The following LARGE1 variants were observed in gnomAD, a reference collection of about 807,000 sequenced individuals.
LARGE1 encodes the protein LARGE xylosyl- and glucuronyltransferase 1.
A neutral mutation model predicts 87.6 loss-of-function variants in LARGE1; 43 were observed. The observed-to-expected ratio is 0.49, with a 90% CI of 0.38 to 0.63. The LOEUF (loss-of-function observed/expected upper bound fraction) is 0.63, where lower values mean the gene tolerates loss of function less well. Among genes scored for constraint, LARGE1 ranks in the 30% least tolerant of loss-of-function variants. The pLI, the probability that LARGE1 is intolerant of heterozygous loss-of-function variation, is 0.00. For synonymous variants in LARGE1, 434 were observed against 394.6 expected, an observed-to-expected ratio of 1.10 and a Z score of -1.18; for missense variants, 802 against 1,000.2, an observed-to-expected ratio of 0.80 and a Z score of 2.67.
intron 5 of LARGE1, among the ~76,000 whole-genome samples, chr22:33,575,951 T>C (rs2078340236): frequency 6.6e-6 from 1 of 152,214 alleles, no homozygotes; most frequent in Non-Finnish European, 1.5e-5. Context: ...TTCAGTACTT[T>C]ATGTTATGAA....
chr22:33,830,415 T>C lies in LARGE1; in HGVS notation c.-82-68857A>G, dbSNP rs1451761069. Among the ~76,000 whole-genome samples, 7 of 152,268 alleles carry C rather than the reference T, an allele frequency of 4.6e-5. No homozygotes were observed. The East Asian group carries it at 1.4e-3, about 29-fold the overall frequency. Reference sequence around the variant, plus strand: ...AGGTGAAGGAATTGTCAGGGACACATTTCCTCCACGAGAGGCAGGAGGAAA... The same window carrying C: ...AGGTGAAGGAATTGTCAGGGACACACTTCCTCCACGAGAGGCAGGAGGAAA... On this transcript the variant is annotated intron_variant, in intron 1 of 14. Coordinates refer to ENST00000397394, the MANE Select transcript of LARGE1 (RefSeq NM_133642.5).
At chr22:33,130,252 T>C in the LARGE1 span, among the ~76,000 whole-genome samples, 1 of 138,678 alleles carries the variant, frequency 7.2e-6, no homozygotes, top group Non-Finnish European at 1.5e-5. Context: ...AGGCAGAGCT[T>C]GCAGTGAGCC....
intron 7 of LARGE1, among the ~76,000 whole-genome samples, chr22:33,412,184 T>C (rs1279178790): frequency 6.6e-6 from 1 of 152,136 alleles, no homozygotes; most frequent in African/African-American, 2.4e-5. Context: ...CTCGAGAGGC[T>C]GAGGCAAGAG....
the LARGE1 span, among the ~76,000 whole-genome samples, chr22:33,110,213 ACC>A: frequency 6.6e-6 from 1 of 152,198 alleles, no homozygotes; most frequent in Admixed American, 6.5e-5. Context: ...TGCAATGTCT[ACC>A]CCACACCATC....
At chr22:33,521,778 T>C (rs1046671972) in intron 6 of LARGE1, among the ~76,000 whole-genome samples, 1 of 152,212 alleles carries the variant, frequency 6.6e-6, no homozygotes, top group African/African-American at 2.4e-5. Context: ...GGTGTAGCTC[T>C]GTGTTAGTCC....
chr22:33,264,607 C>T (rs764728509), intron 11 of LARGE1, among the ~76,000 whole-genome samples: 61 of 152,118 alleles, frequency 4.0e-4, no homozygotes, highest in Non-Finnish European at 6.3e-4. Context: ...TGCAGTGAGC[C>T]GAGATTGCAC....
chr22:33,812,598 A>G (rs973156546), intron 1 of LARGE1, among the ~76,000 whole-genome samples: 2 of 152,230 alleles, frequency 1.3e-5, no homozygotes, highest in African/African-American at 4.8e-5. Flanking sequence ...GGTTGAAGGC[A>G]CAGATGGCGC....
At chr22:33,830,857 C>A (rs1390610891) in intron 1 of LARGE1, among the ~76,000 whole-genome samples, 1 of 152,286 alleles carries the variant, frequency 6.6e-6, no homozygotes, top group African/African-American at 2.4e-5. Flanking sequence ...TGTGCCCTCA[C>A]GTAGAAGAAG....
At chr22:33,154,155 C>T in the LARGE1 span, among the ~76,000 whole-genome samples, 1 of 148,884 alleles carries the variant, frequency 6.7e-6, no homozygotes, top group Non-Finnish European at 1.5e-5. Context: ...AGACTTTGGA[C>T]TTCTTGTTAT....
At chr22:33,395,599 C>A (rs2065712382) in intron 7 of LARGE1, among the ~76,000 whole-genome samples, 1 of 152,284 alleles carries the variant, frequency 6.6e-6, no homozygotes. Context: ...GCCCTATTTT[C>A]ATTCTTTAGG....
At chr22:33,187,199 T>G (rs900528239) in intron 11 of LARGE1, among the ~76,000 whole-genome samples, 4 of 152,236 alleles carry the variant, frequency 2.6e-5, no homozygotes, top group Non-Finnish European at 5.9e-5. Context: ...TCCATGTTCA[T>G]TGCAGCATCA....
intron 6 of LARGE1, among the ~76,000 whole-genome samples, chr22:33,440,656 G>A (rs966713150): frequency 2.6e-5 from 4 of 152,128 alleles, no homozygotes; most frequent in South Asian, 2.1e-4. Flanking sequence ...TCATATTACC[G>A]TTTACTAAAC....
the LARGE1 span, among the ~76,000 whole-genome samples, chr22:33,120,407 TTTCC>T: frequency 0.069 from 6,840 of 99,156 alleles, 210 homozygotes; most frequent in East Asian, 0.13. Context: ...TCTTTCTTTC[TTTCC>T]TTCTTTCTTT....
At chr22:33,831,779 C>T (rs1010685394) in intron 1 of LARGE1, among the ~76,000 whole-genome samples, 5 of 143,712 alleles carry the variant, frequency 3.5e-5, no homozygotes, top group Non-Finnish European at 7.8e-5. Flanking sequence ...CACACACACA[C>T]ACACATACAC....
intron 6 of LARGE1, among the ~76,000 whole-genome samples, chr22:33,562,562 C>T (rs2084255808): frequency 6.6e-6 from 1 of 152,198 alleles, no homozygotes; most frequent in Admixed American, 6.5e-5. Context: ...TGACCTTGGC[C>T]CATATACCCT....
chr22:33,702,119 T>G (rs2082420270), intron 2 of LARGE1, among the ~76,000 whole-genome samples: 1 of 152,198 alleles, frequency 6.6e-6, no homozygotes, highest in South Asian at 2.1e-4. Flanking sequence ...GGTAAAGCAC[T>G]AGGAACAATG....
At chr22:33,669,616 T>C (rs995920902) in intron 2 of LARGE1, among the ~76,000 whole-genome samples, 1 of 152,224 alleles carries the variant, frequency 6.6e-6, no homozygotes, top group African/African-American at 2.4e-5. Context: ...AGCTGAGGCC[T>C]GGGGAGACCT....
chr22:33,889,899 T>C (rs2064959682), intron 1 of LARGE1, among the ~76,000 whole-genome samples: 1 of 152,216 alleles, frequency 6.6e-6, no homozygotes, highest in Non-Finnish European at 1.5e-5. Context: ...CCCCCGCCCT[T>C]GTGTAGTGTG....
intron 6 of LARGE1, among the ~76,000 whole-genome samples, chr22:33,535,843 C>T (rs977125027): frequency 6.6e-6 from 1 of 152,106 alleles, no homozygotes; most frequent in Non-Finnish European, 1.5e-5. Flanking sequence ...TATTTTCACT[C>T]CTGAAATTTG....
Sources: allele counts gnomAD v4.1 joint callset (sites outside exome capture counted in the v4.1 genomes callset), GRCh38; gene constraint gnomAD v4.1.1; transcripts MANE v1.5; gene names NCBI Gene and HGNC (gene_info 2026-07-23, HGNC 2026-07-21).